The following CNOT1 variants were observed in gnomAD, a reference collection of about 807,000 sequenced individuals.
CNOT1 encodes the protein CCR4-NOT transcription complex subunit 1.
Under a neutral mutation model 273.8 loss-of-function variants are expected in CNOT1, and 15 were observed. That is an observed-to-expected ratio of 0.05 (90% CI 0.04 to 0.08). The LOEUF (loss-of-function observed/expected upper bound fraction) is 0.08, where lower values mean the gene tolerates loss of function less well. Ranked by LOEUF, CNOT1 falls within the 10% of genes least tolerant of loss-of-function variation. The pLI, the probability that CNOT1 is intolerant of heterozygous loss-of-function variation, is 1.00. For synonymous variants in CNOT1, 1,022 were observed against 1,005.5 expected (o/e 1.02, Z -0.31); for missense variants, 1,644 against 2,912.2 (o/e 0.56, Z 10.02).
intron 1 of CNOT1, among the ~76,000 whole-genome samples, chr16:58,605,499 CTG>C (rs912636968): frequency 2.0e-5 from 3 of 152,144 alleles, no homozygotes; most frequent in Non-Finnish European, 4.4e-5. Context: ...GAGCAAGACT[CTG>C]TCTCAAAATA....
At chr16:58,600,600 A>T (rs2042426540) in intron 1 of CNOT1, among the ~76,000 whole-genome samples, 1 of 152,158 alleles carries the variant, frequency 6.6e-6, no homozygotes, top group Admixed American at 6.6e-5. Context: ...GTTTGGTCTT[A>T]TACCTTGGGA....
intron 18 of CNOT1, among the ~76,000 whole-genome samples, chr16:58,557,787 G>A (rs1317821948): frequency 6.6e-6 from 1 of 152,102 alleles, no homozygotes; most frequent in East Asian, 1.9e-4. Context: ...TCGGGAATTC[G>A]AGATCAGCCT....
At position 58,618,545 on chromosome 16, in the gene CNOT1, T is replaced by C. The variant is rs1021671828; in HGVS notation, c.-175+11183A>G. Among the ~76,000 whole-genome samples, 6 of 151,744 alleles carry C rather than the reference T, an allele frequency of 4.0e-5. No individual in the cohort carries two copies. The East Asian group carries it at 1.2e-3, about 30-fold the overall frequency. On this transcript the variant is annotated intron_variant, in intron 1 of 48. Coordinates refer to ENST00000317147, the MANE Select transcript of CNOT1 (RefSeq NM_016284.5). ...TTGCAGCGAGCTAAGATCGCACCAT[T>C]GCACTCCAGGCTGGGCGACAGGGCG...
chr16:58,555,598 C>T lies in CNOT1; in HGVS notation c.2605-61G>A, dbSNP rs1034250723. ...GGAAACAATTACTAAGAGCCTTTCTCAAATATGCTTAACAAAAGACTATTA... is the reference window on the plus strand; with the variant it reads ...GGAAACAATTACTAAGAGCCTTTCTTAAATATGCTTAACAAAAGACTATTA... On this transcript the variant is annotated intron_variant, in intron 20 of 48. Transcript: ENST00000317147. 5.8e-6 allele frequency: 9 copies of T among 1,564,498 alleles called. No homozygotes were observed. In the Admixed American group the frequency reaches 1.7e-4, roughly 30 times the overall value.
chr16:58,574,486 G>T, intron 16 of CNOT1, 123 bp downstream of exon 16: 1 of 919,406 alleles, frequency 1.1e-6, no homozygotes, highest in Non-Finnish European at 1.6e-6. Flanking sequence ...TAGGACTTTG[G>T]ACTTAAAACC....
At chr16:58,598,107 T>TA (rs1486689860) in intron 2 of CNOT1, among the ~76,000 whole-genome samples, 3 of 140,716 alleles carry the variant, frequency 2.1e-5, no homozygotes, top group African/African-American at 8.1e-5. Context: ...CTACTAAAAA[T>TA]AAAAAAATTT....
At position 58,534,351 on chromosome 16, in the gene CNOT1, C is replaced by T. The variant is rs1368605635; in HGVS notation, c.5691G>A (p.Arg1897=). The part of the protein sequence containing the change: ...GILKTDDLIT[R]FFRLCTEMCV... ...ACATTTCAGTACACAGACGAAAGAA[C>T]CTTGTTATGAGATCATCGGTCTTCA... is the stretch of plus-strand genomic sequence containing the variant. Residue 1897 remains arginine (R), a synonymous_variant, in exon 40 of 49, where the codon AGG becomes AGA. Transcript: ENST00000317147. The T allele has an allele frequency of 3.1e-6, 5 of 1,614,128 alleles. No homozygotes were observed. The highest frequency in any genetic ancestry group is 4.2e-6 in the Non-Finnish European group (5 of 1,180,034).
At chr16:58,602,704 C>G (rs1176439546) in intron 1 of CNOT1, among the ~76,000 whole-genome samples, 8 of 151,626 alleles carry the variant, frequency 5.3e-5, no homozygotes, top group Admixed American at 5.3e-4. Flanking sequence ...TCACTCCAGC[C>G]TGGGCAACAG....
chr16:58,540,499 GT>G (rs1426688099), intron 34 of CNOT1, among the ~76,000 whole-genome samples: 4 of 152,194 alleles, frequency 2.6e-5, no homozygotes, highest in Non-Finnish European at 4.4e-5. Flanking sequence ...ATTCAGAAGT[GT>G]TATGGTCATG....
intron 16 of CNOT1, among the ~76,000 whole-genome samples, chr16:58,567,061 G>A (rs142969955): frequency 2.1e-4 from 32 of 152,216 alleles, no homozygotes; most frequent in South Asian, 1.5e-3. Flanking sequence ...GGCTCAGGCA[G>A]GAAGACTAAG....
intron 16 of CNOT1, among the ~76,000 whole-genome samples, chr16:58,573,323 A>C (rs1340452830): frequency 6.6e-6 from 1 of 151,876 alleles, no homozygotes; most frequent in African/African-American, 2.4e-5. Flanking sequence ...AAAAGAAAGA[A>C]AGAAAAAAAG....
intron 18 of CNOT1, among the ~76,000 whole-genome samples, 153 bp from the exon 19 acceptor site, chr16:58,557,146 T>C (rs1192475239): frequency 6.6e-6 from 1 of 152,206 alleles, no homozygotes; most frequent in African/African-American, 2.4e-5. Context: ...CCTTATTACA[T>C]CTATTCAATT....
In CNOT1 at chr16:58,560,310, T is replaced by A; in HGVS notation, c.2032A>T (p.Ser678Cys). 1 of 1,614,164 alleles carries A rather than the reference T, an allele frequency of 6.2e-7. No individual in the cohort carries two copies. Among genetic ancestry groups the A allele is most frequent in the Non-Finnish European group, 8.5e-7 (1 of 1,180,026 alleles). ...TGTCTGGCCTTATTCATAACATTACTGCAATTGGCTACCATGGTGAGGATA... is the reference window on the plus strand; with the variant it reads ...TGTCTGGCCTTATTCATAACATTACAGCAATTGGCTACCATGGTGAGGATA... The part of the protein sequence containing the change: ...ETILTMVANC[S>C]NVMNKARQPP... The change falls in exon 17 of 49, where the codon AGT (serine) becomes TGT (cysteine). Residue 678 changes from serine (S) to cysteine (C), a missense_variant. This residue lies in a region of CNOT1 where 706 missense variants were observed against 1,021.2 expected (regional missense o/e 0.69). Coordinates refer to ENST00000317147, the MANE Select transcript of CNOT1 (RefSeq NM_016284.5).
chr16:58,613,323 C>A (rs980437362), intron 1 of CNOT1, among the ~76,000 whole-genome samples: 5 of 127,784 alleles, frequency 3.9e-5, no homozygotes, highest in African/African-American at 1.3e-4. Flanking sequence ...TGAGTCACCA[C>A]GCCTGGCTTA....
chr16:58,619,424 TTTTC>T (rs757251147), intron 1 of CNOT1, among the ~76,000 whole-genome samples: 90 of 151,918 alleles, frequency 5.9e-4, no homozygotes, highest in South Asian at 1.9e-3. Context: ...GAGTTTTGCA[TTTTC>T]TTTCTTTTTT....
intron 16 of CNOT1, among the ~76,000 whole-genome samples, chr16:58,572,813 C>A (rs1468049090): frequency 1.3e-5 from 2 of 149,392 alleles, no homozygotes; most frequent in African/African-American, 4.9e-5. Flanking sequence ...GAGGCTGAAG[C>A]AGGAGAATCA....
chr16:58,603,418 TG>T (rs2042547917), intron 1 of CNOT1, among the ~76,000 whole-genome samples: 3 of 65,466 alleles, frequency 4.6e-5, no homozygotes, highest in Admixed American at 1.4e-4. Flanking sequence ...AGTGTGTGTG[TG>T]TGTGTGTGTG....
rs766325482 is a variant in CNOT1, at chr16:58,587,244, G to A, written c.390C>T (p.Gly130=). ...AGCTGGAAGAATTCAACAGGGCAAGGCCAAAAATTACCTGAAACAAGAAGG... is the reference window on the plus strand; with the variant it reads ...AGCTGGAAGAATTCAACAGGGCAAGACCAAAAATTACCTGAAACAAGAAGG... The part of the protein sequence containing the change: ...KLSKVQEVIF[G]LALLNSSSSD... The change falls in exon 6 of 49, where the codon GGC becomes GGT. Residue 130 remains glycine, a synonymous_variant. Transcript: ENST00000317147. 2 of 1,613,622 alleles carry A rather than the reference G, an allele frequency of 1.2e-6. No individual in the cohort carries two copies. The highest frequency in any genetic ancestry group is 2.2e-5 in the East Asian group (1 of 44,852).
rs1030354491 is a variant in CNOT1, at chr16:58,580,717, C to G, written c.1259G>C (p.Cys420Ser). Residue 420 changes from cysteine (C) to serine (S), a missense_variant, in exon 12 of 49, where the codon TGT (cysteine) becomes TCT (serine). This residue lies in a region of CNOT1 where 706 missense variants were observed against 1,021.2 expected (regional missense o/e 0.69). Transcript: ENST00000317147. ...QHSLINPEIF[C>S]FADYPCHTVA... ...AGTATGACAGGGATAGTCAGCAAAA[C>G]AGAAGATCTCTGGATTTATAAGGGA... The G allele has an allele frequency of 1.2e-6, 2 of 1,612,864 alleles. No individual in the cohort carries two copies. The highest frequency in any genetic ancestry group is 2.7e-5 in the African/African-American group (2 of 74,856).
Sources: allele counts gnomAD v4.1 joint callset (sites outside exome capture counted in the v4.1 genomes callset), GRCh38; gene constraint gnomAD v4.1.1; regional missense constraint gnomAD v4.1.1; transcripts MANE v1.5; gene names NCBI Gene and HGNC (gene_info 2026-07-23, HGNC 2026-07-21).